The following DIO1 variants were observed in gnomAD, a reference collection of about 807,000 sequenced individuals.
The protein encoded by DIO1 is iodothyronine deiodinase 1.
In DIO1, 17 loss-of-function variants were observed where a neutral mutation model predicts 25.9. That is an observed-to-expected ratio of 0.66 (90% CI 0.45 to 0.98). The LOEUF is 0.98. Among genes scored for constraint, DIO1 ranks in the 50% least tolerant of loss-of-function variants. The pLI is 0.00. For synonymous variants in DIO1, 115 were observed against 114.0 expected (o/e 1.01, Z -0.05); for missense variants, 270 against 310.4 (o/e 0.87, Z 0.98).
At chr1:53,902,251 C>T (rs1003677824) in intron 1 of DIO1, among the ~76,000 whole-genome samples, 8 of 151,964 alleles carry the variant, frequency 5.3e-5, no homozygotes, top group South Asian at 2.1e-4. Context: ...TTCCCTGCCC[C>T]GCCTGTCTAA....
intron 3 of DIO1, 88 bp downstream of exon 3, chr1:53,906,382 T>C (rs1651657181): frequency 8.6e-5 from 103 of 1,196,600 alleles, no homozygotes; most frequent in Non-Finnish European, 1.2e-4. Flanking sequence ...CAAGCAGAAC[T>C]GGATTCAAAT....
rs143295134 is a variant in DIO1, at chr1:53,906,164, C to T, written c.551C>T (p.Ala184Val). 1.8e-5 allele frequency: 29 copies of T among 1,614,074 alleles called. No individual in the cohort carries two copies. Among genetic ancestry groups the T allele is most frequent in the Non-Finnish European group, 2.3e-5 (27 of 1,180,034 alleles). The change falls in exon 3 of 4, where the codon GCC becomes GTC. Residue 184 changes from alanine to valine, a missense_variant. Coordinates refer to ENST00000361921, the MANE Select transcript of DIO1 (RefSeq NM_000792.7). ...AACCTTCAGGATCGCCTGCAGGCAGCCCATCTACTGCTGGCCAGGAGCCCC... is the reference window on the plus strand; with the variant it reads ...AACCTTCAGGATCGCCTGCAGGCAGTCCATCTACTGCTGGCCAGGAGCCCC... ...HQNLQDRLQAAHLLLARSPQC... is the reference protein window; with the variant it reads ...HQNLQDRLQAVHLLLARSPQC...
intron 1 of DIO1, among the ~76,000 whole-genome samples, chr1:53,900,540 G>A (rs976217255): frequency 2.6e-5 from 4 of 152,166 alleles, no homozygotes; most frequent in African/African-American, 9.7e-5. Flanking sequence ...GGAGGCGGAG[G>A]TTGCAGTGAG....
chr1:53,902,869 G>A (rs1651439791), intron 1 of DIO1, among the ~76,000 whole-genome samples: 2 of 151,936 alleles, frequency 1.3e-5, no homozygotes, highest in South Asian at 4.1e-4. Context: ...TAGCACACCA[G>A]AGTTGTAAAG....
At position 53,904,821 on chromosome 1, in the gene DIO1, T is replaced by C. The variant is rs373695562; in HGVS notation, c.481+12T>C. The C allele has an allele frequency of 1.2e-6, 2 of 1,607,110 alleles. No individual in the cohort carries two copies. Among genetic ancestry groups the C allele is most frequent in the East Asian group, 2.2e-5 (1 of 44,558 alleles). ...AGCACATGCATCAGGTACAGAAAGA[T>C]TCTCTGCCTCTTCTACCTCTTCCCA... On this transcript the variant is annotated intron_variant, in intron 2 of 3. Transcript: ENST00000361921.
At position 53,906,150 on chromosome 1, in the gene DIO1, T is replaced by C. The variant is rs2100778458; in HGVS notation, c.537T>C (p.Asp179=). 1 of 1,614,192 alleles carries C rather than the reference T, an allele frequency of 6.2e-7. No individual in the cohort carries two copies. The highest frequency in any genetic ancestry group is 8.5e-7 in the Non-Finnish European group (1 of 1,180,034). ...MDIRNHQNLQ[D]RLQAAHLLLA... is the part of the protein sequence containing the mutation. ...TCAGAAATCACCAGAACCTTCAGGA[T>C]CGCCTGCAGGCAGCCCATCTACTGC... The change falls in exon 3 of 4, where the codon GAT becomes GAC. Residue 179 remains aspartate, a synonymous_variant. Transcript: ENST00000361921.
intron 1 of DIO1, among the ~76,000 whole-genome samples, chr1:53,897,784 C>T (rs1054012513): frequency 4.6e-5 from 7 of 151,380 alleles, no homozygotes; most frequent in African/African-American, 1.2e-4. Context: ...CCCAGGAGGT[C>T]GAGGCTTCAG....
chr1:53,894,650 G>C lies in DIO1; in HGVS notation c.337+103G>C. On this transcript the variant is annotated intron_variant, in intron 1 of 3. Transcript: ENST00000361921. The surrounding 1 kb of genome is among the most constrained non-coding windows in gnomAD (Gnocchi z 4.9). The stretch of plus-strand genomic sequence containing the variant: ...CCTGAATTCTCCTACTACTTTTGCT[G>C]CTCCTTTTGGACCTTCTTGTCCTCT... The C allele has an allele frequency of 1.8e-6, 2 of 1,099,140 alleles. No homozygotes were observed. Among genetic ancestry groups the C allele is most frequent in the Non-Finnish European group, 2.6e-6 (2 of 781,748 alleles). 68.1% of individuals were successfully genotyped at this position (1,099,140 alleles called of 1,614,324 possible).
intron 1 of DIO1, among the ~76,000 whole-genome samples, chr1:53,902,512 T>C (rs1651419134): frequency 1.3e-5 from 2 of 151,550 alleles, no homozygotes; most frequent in Admixed American, 1.3e-4. Context: ...GATTCGAGGA[T>C]GAATGAGGAA....
At chr1:53,899,861 T>C (rs901864564) in intron 1 of DIO1, among the ~76,000 whole-genome samples, 1 of 151,900 alleles carries the variant, frequency 6.6e-6, no homozygotes, top group Admixed American at 6.6e-5. Flanking sequence ...AGAGACAGGG[T>C]CCTGCTATGT....
chr1:53,899,850 A>C lies in DIO1; in HGVS notation c.338-4816A>C, dbSNP rs144253723. On this transcript the variant is annotated intron_variant, in intron 1 of 3. Transcript: ENST00000361921. ...CACCACGCCTGGATAATTTTTTTTT[A>C]AGAGACAGGGTCCTGCTATGTTGCC... 1.1e-3 allele frequency among the ~76,000 whole-genome samples: 168 copies of C among 151,930 alleles called. 1 individual carries two copies. Among genetic ancestry groups the C allele is most frequent in the Non-Finnish European group, 2.0e-3 (135 of 67,940 alleles).
intron 2 of DIO1, among the ~76,000 whole-genome samples, chr1:53,905,023 T>G (rs2100776087): frequency 6.6e-6 from 1 of 152,282 alleles, no homozygotes; most frequent in African/African-American, 2.4e-5. Flanking sequence ...GCAGAACACC[T>G]GGAGTGACAG....
In DIO1 at chr1:53,894,503, T is replaced by C; in HGVS notation, c.293T>C (p.Val98Ala). The C allele has an allele frequency of 6.2e-7, 1 of 1,614,140 alleles. No homozygotes were observed. Among genetic ancestry groups the C allele is most frequent in the South Asian group, 1.1e-5 (1 of 91,072 alleles). ...LGGLAPNCPVVRLSGQRCNIW... is the reference protein window; with the variant it reads ...LGGLAPNCPVARLSGQRCNIW... ...GGTCTGGCCCCAAACTGCCCGGTGG[T>C]CCGCCTCTCAGGACAGAGGTGCAAC... The change falls in exon 1 of 4, where the codon GTC (valine) becomes GCC (alanine). Residue 98 changes from valine (V) to alanine (A), a missense_variant. Physicochemically the swap from Val to Ala is moderately conservative, Grantham distance 64. Coordinates refer to ENST00000361921, the MANE Select transcript of DIO1 (RefSeq NM_000792.7). This position sits in a 1 kb window ranked among gnomAD's most constrained non-coding sequence, Gnocchi z 4.9.
chr1:53,904,927 G>T (rs1651572776), intron 2 of DIO1, 118 bp downstream of exon 2: 1 of 1,178,512 alleles, frequency 8.5e-7, no homozygotes, highest in African/African-American at 1.5e-5. Context: ...GAGAGGGAAA[G>T]AGCCACTATT....
At chr1:53,909,880 C>T (rs779187851) in intron 3 of DIO1, 51 bp from the exon 4 acceptor site, 1 of 1,581,598 alleles carries the variant, frequency 6.3e-7, no homozygotes, top group South Asian at 1.1e-5. Flanking sequence ...ATGTTCCTTA[C>T]AACTTGGAAA....
intron 1 of DIO1, among the ~76,000 whole-genome samples, chr1:53,900,375 C>T (rs548798362): frequency 6.2e-4 from 94 of 152,164 alleles, no homozygotes; most frequent in African/African-American, 2.2e-3. Flanking sequence ...AGGCCAAGGC[C>T]GGTGAATCGC....
In DIO1 at chr1:53,894,218, T is replaced by A; in HGVS notation, c.8T>A (p.Leu3Gln). 6.2e-7 allele frequency: 1 copy of A among 1,612,338 alleles called. No homozygotes were observed. The highest frequency in any genetic ancestry group is 8.5e-7 in the Non-Finnish European group (1 of 1,178,692). The change falls in exon 1 of 4, where the codon CTG becomes CAG. Residue 3 changes from leucine (L) to glutamine (Q), a missense_variant. Transcript: ENST00000361921. This position sits in a 1 kb window ranked among gnomAD's most constrained non-coding sequence, Gnocchi z 4.9. ...TACTCTGGCTTTGCCGAGATGGGGCTGCCCCAGCCAGGGCTGTGGCTGAAG... is the reference window on the plus strand; with the variant it reads ...TACTCTGGCTTTGCCGAGATGGGGCAGCCCCAGCCAGGGCTGTGGCTGAAG... MG[L>Q]PQPGLWLKRL...
intron 1 of DIO1, among the ~76,000 whole-genome samples, chr1:53,897,003 A>C (rs1476037890): frequency 6.6e-6 from 1 of 152,252 alleles, no homozygotes; most frequent in Non-Finnish European, 1.5e-5. Context: ...AGCAATGGTA[A>C]TAACTAACTT....
chr1:53,909,538 G>A lies in DIO1; in HGVS notation c.682-393G>A, dbSNP rs1249908680. Among the ~76,000 whole-genome samples, 5 of 152,234 alleles carry A rather than the reference G, an allele frequency of 3.3e-5. No individual in the cohort carries two copies. The East Asian group carries it at 9.6e-4, about 29-fold the overall frequency. On this transcript the variant is annotated intron_variant, in intron 3 of 3. Coordinates refer to ENST00000361921, the MANE Select transcript of DIO1 (RefSeq NM_000792.7). ...CCCAGGCTGTAGGATGAAAAGGGCT[G>A]ACCTAGGGCAGTAGAACTGGAGAGG...
Sources: allele counts gnomAD v4.1 joint callset (sites outside exome capture counted in the v4.1 genomes callset), GRCh38; gene constraint gnomAD v4.1.1; non-coding constraint Gnocchi (gnomAD v3.1); transcripts MANE v1.5; gene names NCBI Gene and HGNC (gene_info 2026-07-23, HGNC 2026-07-21).